The following UBN1 variants were observed in gnomAD, a reference collection of about 807,000 sequenced individuals.
The protein encoded by UBN1 is ubinuclein-1.
A neutral mutation model predicts 108.5 loss-of-function variants in UBN1; 17 were observed. The ratio of observed to expected loss-of-function variants is 0.16; its 90% CI spans 0.11 to 0.24. UBN1 has a LOEUF of 0.24. Ranked by LOEUF, UBN1 falls within the 10% of genes least tolerant of loss-of-function variation. The probability of loss-of-function intolerance (pLI) is 1.00; values close to 1 mark genes in which losing one functional copy is unlikely to be tolerated. For missense variants in UBN1, 1,595 were observed against 1,394.4 expected (o/e 1.14, Z -2.29); for synonymous variants, 726 against 564.2 (o/e 1.29, Z -4.07).
intron 2 of UBN1, among the ~76,000 whole-genome samples, chr16:4,856,837 G>C (rs1043260274): frequency 1.3e-5 from 2 of 152,216 alleles, no homozygotes; most frequent in African/African-American, 4.8e-5. Flanking sequence ...CCCATTTGAG[G>C]TATGATCGTT....
At chr16:4,860,232 C>T (rs1225079295) in intron 6 of UBN1, among the ~76,000 whole-genome samples, 3 of 152,190 alleles carry the variant, frequency 2.0e-5, no homozygotes, top group Non-Finnish European at 4.4e-5. Flanking sequence ...CTCCTCTCTG[C>T]CCCAGTTCTC....
intron 15 of UBN1, among the ~76,000 whole-genome samples, chr16:4,875,646 G>C (rs752427708): frequency 7.9e-5 from 12 of 152,212 alleles, no homozygotes; most frequent in Non-Finnish European, 1.3e-4. Context: ...AGCTTCTTCT[G>C]AGGAGGGCAG....
chr16:4,880,043 A>G (rs746222107), intron 17 of UBN1, 40 bp from the exon 18 acceptor site: 1 of 1,611,446 alleles, frequency 6.2e-7, no homozygotes, highest in Non-Finnish European at 8.5e-7. Flanking sequence ...ATCAGAGAGC[A>G]TGAAAAACTT....
chr16:4,874,336 A>T lies in UBN1; in HGVS notation c.1926A>T (p.Pro642=), dbSNP rs779807626. ...TTGGGGCCTCGAGCAGGGAGCTCCC[A>T]TCCCAGGCATCGGGCGGCCTTGCTA... ...LSIGASSREL[P]SQASGGLANP... The change falls in exon 15 of 18, where the codon CCA becomes CCT. Residue 642 remains proline (P), a synonymous_variant. Coordinates refer to ENST00000262376, the MANE Select transcript of UBN1 (RefSeq NM_001079514.3). 6.2e-7 allele frequency: 1 copy of T among 1,614,176 alleles called. No homozygotes were observed. Among genetic ancestry groups the T allele is most frequent in the African/African-American group, 1.3e-5 (1 of 75,058 alleles).
chr16:4,858,840 A>C (rs1354863510), intron 4 of UBN1, 177 bp downstream of exon 4: 4 of 969,698 alleles, frequency 4.1e-6, no homozygotes, highest in Non-Finnish European at 6.3e-6. Flanking sequence ...TTCCCTCTTC[A>C]GAAAGTGATG....
At chr16:4,865,399 G>T (rs1304959047) in intron 7 of UBN1, among the ~76,000 whole-genome samples, 1 of 152,164 alleles carries the variant, frequency 6.6e-6, no homozygotes, top group South Asian at 2.1e-4. Flanking sequence ...CAGAAAATTT[G>T]GCAGGGCGCG....
At chr16:4,852,712 G>T (rs2086616594) in intron 1 of UBN1, 167 bp from the exon 2 acceptor site, 1 of 657,654 alleles carries the variant, frequency 1.5e-6, no homozygotes, top group Non-Finnish European at 2.4e-6. Context: ...CTGAATGATT[G>T]TGAAAAAATT....
intron 2 of UBN1, among the ~76,000 whole-genome samples, chr16:4,855,994 G>T (rs2086790352): frequency 6.6e-6 from 1 of 152,214 alleles, no homozygotes; most frequent in South Asian, 2.1e-4. Context: ...CCAGAATGGA[G>T]GCCTGTGAGT....
At chr16:4,878,460 C>T (rs139613346) in intron 17 of UBN1, among the ~76,000 whole-genome samples, 2 of 152,226 alleles carry the variant, frequency 1.3e-5, no homozygotes, top group Non-Finnish European at 2.9e-5. Flanking sequence ...TCCCTGGCAC[C>T]ATGGCGCATT....
At position 4,874,670 on chromosome 16, in the gene UBN1, AAAC is replaced by A; in HGVS notation, c.2261_2263del (p.Lys754_Pro755delinsThr). The A allele has an allele frequency of 6.2e-7, 1 of 1,614,080 alleles. No homozygotes were observed. Among genetic ancestry groups the A allele is most frequent in the Non-Finnish European group, 8.5e-7 (1 of 1,180,002 alleles). ...ACTGGGGCAGTCCTCTCAGGAGAAAAAACCAGAGAGTTCTGGCTACAAAGAGCT... is the reference window on the plus strand; with the variant it reads ...ACTGGGGCAGTCCTCTCAGGAGAAAACAGAGAGTTCTGGCTACAAAGAGCT... On this transcript the variant is annotated inframe_deletion, in exon 15 of 18. Coordinates refer to ENST00000262376, the MANE Select transcript of UBN1 (RefSeq NM_001079514.3).
chr16:4,870,658 G>T, intron 10 of UBN1, 24 bp downstream of exon 10: 4 of 1,613,650 alleles, frequency 2.5e-6, no homozygotes, highest in Non-Finnish European at 3.4e-6. Flanking sequence ...GGCGCTTGCA[G>T]GTGCAACCCT....
intron 1 of UBN1, 124 bp downstream of exon 1, chr16:4,848,334 T>C (rs914790959): frequency 6.6e-6 from 1 of 152,266 alleles, no homozygotes; most frequent in Non-Finnish European, 1.5e-5. Flanking sequence ...AACTGAACCA[T>C]GAACTGGGAA....
intron 7 of UBN1, among the ~76,000 whole-genome samples, chr16:4,861,548 C>T (rs1205833916): frequency 6.6e-6 from 1 of 152,218 alleles, no homozygotes; most frequent in East Asian, 1.9e-4. Flanking sequence ...TCAGTCGCTC[C>T]CTTGCGTTGT....
Position 4,863,075 on chromosome 16 carries a change from A to G in UBN1, c.1110+1973A>G, listed in dbSNP as rs371377811. On this transcript the variant is annotated intron_variant, in intron 7 of 17. Transcript: ENST00000262376. Reference sequence around the variant, plus strand: ...CTTTGAAAAATGGGGTGGAAGGTGTATGGAAATTATCCATCCGGCCAATAT... The same window carrying G: ...CTTTGAAAAATGGGGTGGAAGGTGTGTGGAAATTATCCATCCGGCCAATAT... Among the ~76,000 whole-genome samples, 26 of 152,346 alleles carry G rather than the reference A, an allele frequency of 1.7e-4. No homozygotes were observed. In the East Asian group the frequency reaches 4.8e-3, roughly 28 times the overall value.
chr16:4,873,210 G>A (rs1883135579), intron 14 of UBN1, 137 bp downstream of exon 14: 2 of 1,280,962 alleles, frequency 1.6e-6, no homozygotes, highest in African/African-American at 1.5e-5. Flanking sequence ...CATTCTTGAA[G>A]TCATAACAGG....
intron 10 of UBN1, 99 bp from the exon 11 acceptor site, chr16:4,870,745 C>CTT: frequency 6.3e-7 from 1 of 1,588,326 alleles, no homozygotes; most frequent in East Asian, 2.2e-5. Flanking sequence ...CTTCTTTGGC[C>CTT]TTTTCTCCTT....
At position 4,874,661 on chromosome 16, in the gene UBN1, C is replaced by G; in HGVS notation, c.2251C>G (p.Gln751Glu). The G allele has an allele frequency of 1.9e-6, 3 of 1,614,222 alleles. No individual in the cohort carries two copies. The highest frequency in any genetic ancestry group is 2.5e-6 in the Non-Finnish European group (3 of 1,180,038). ...EQALALGQSSQEKKPESSGYK... is the reference protein window; with the variant it reads ...EQALALGQSSEEKKPESSGYK... ...GGCTCTGGCACTGGGGCAGTCCTCT[C>G]AGGAGAAAAAACCAGAGAGTTCTGG... Residue 751 changes from glutamine to glutamate, a missense_variant, in exon 15 of 18, where the codon CAG (glutamine) becomes GAG (glutamate). By Grantham distance (29) the Gln-to-Glu change is conservative (BLOSUM62 2). Coordinates refer to ENST00000262376, the MANE Select transcript of UBN1 (RefSeq NM_001079514.3).
At chr16:4,854,574 CA>C (rs2086709935) in intron 2 of UBN1, among the ~76,000 whole-genome samples, 1 of 147,960 alleles carries the variant, frequency 6.8e-6, no homozygotes, top group Admixed American at 6.8e-5. Context: ...CCATGTAGGC[CA>C]TGCTGGTCTC....
rs2087953412 is a variant in UBN1, at chr16:4,877,751, G to A, written c.3355+277G>A. 8.5e-7 allele frequency: 1 copy of A among 1,177,274 alleles called. No homozygotes were observed. The highest frequency in any genetic ancestry group is 4.6e-5 in the Admixed American group (1 of 21,786). The allele number at this position is 1,177,274 out of a possible 1,614,324, so 72.9% of individuals were successfully genotyped here. A position where few individuals can be genotyped will look rare whatever the true frequency, so the allele number is the denominator to read the frequency against. ...GGGGCAGGGTGGTGCGCTTTTGTGT[G>A]CGGTGGAGGAGTTCCTAACCCTCGG... On this transcript the variant is annotated intron_variant, in intron 17 of 17. Coordinates refer to ENST00000262376, the MANE Select transcript of UBN1 (RefSeq NM_001079514.3). The surrounding 1 kb of genome is among the most constrained non-coding windows in gnomAD (Gnocchi z 4.3).
Sources: allele counts gnomAD v4.1 joint callset (sites outside exome capture counted in the v4.1 genomes callset), GRCh38; gene constraint gnomAD v4.1.1; non-coding constraint Gnocchi (gnomAD v3.1); transcripts MANE v1.5; gene names NCBI Gene and HGNC (gene_info 2026-07-23, HGNC 2026-07-21).